AOC1: variants seen among roughly 807,000 people sequenced by gnomAD.
The protein encoded by AOC1 is amine oxidase copper containing 1, also known as diamine oxidase [copper-containing].
Under a neutral mutation model 57.1 loss-of-function variants are expected in AOC1, and 58 were observed. That is an observed-to-expected ratio of 1.02 (90% CI 0.82 to 1.26). The LOEUF (loss-of-function observed/expected upper bound fraction) is 1.26, where lower values mean the gene tolerates loss of function less well. Ranked by LOEUF, AOC1 falls within the 50% of genes most tolerant of loss-of-function variation. The pLI, the probability that AOC1 is intolerant of heterozygous loss-of-function variation, is 0.00. For synonymous variants in AOC1, 401 were observed against 423.4 expected (o/e 0.95, Z 0.65); for missense variants, 917 against 1,005.3 (o/e 0.91, Z 1.19).
At position 150,857,261 on chromosome 7, in the gene AOC1, A is replaced by G. The variant is rs1057505675; in HGVS notation, c.791A>G (p.Glu264Gly). 4 of 1,610,184 alleles carry G rather than the reference A, an allele frequency of 2.5e-6. No homozygotes were observed. The highest frequency in any genetic ancestry group is 3.4e-6 in the Non-Finnish European group (4 of 1,177,986). Residue 264 changes from glutamate to glycine, a missense_variant, in exon 2 of 5, where the codon GAG becomes GGG. Physicochemically the swap from Glu to Gly is moderately conservative, Grantham distance 98. Coordinates refer to ENST00000360937, the MANE Select transcript of AOC1 (RefSeq NM_001091.4). This position sits in a 1 kb window ranked among gnomAD's most constrained non-coding sequence, Gnocchi z 6.6. Reference sequence around the variant, plus strand: ...GGAGAGGTGGACGTGGTGGTCCTGGAGGACCCGCTGCCTGGGGGCAAGGGG... The same window carrying G: ...GGAGAGGTGGACGTGGTGGTCCTGGGGGACCCGCTGCCTGGGGGCAAGGGG... The part of the protein sequence containing the change: ...ADGEVDVVVL[E>G]DPLPGGKGHD...
chr7:150,856,318 G>A lies in AOC1; in HGVS notation c.-16-137G>A. ...GGGGACTATGCATGGGGCCCCAGCT[G>A]CCCCAGGACAGCCTCCAGCTTGGGG... On this transcript the variant is annotated intron_variant, in intron 1 of 4. Coordinates refer to ENST00000360937, the MANE Select transcript of AOC1 (RefSeq NM_001091.4). This position sits in a 1 kb window ranked among gnomAD's most constrained non-coding sequence, Gnocchi z 5.2. 8.6e-7 allele frequency: 1 copy of A among 1,161,512 alleles called. No homozygotes were observed. Among genetic ancestry groups the A allele is most frequent in the Non-Finnish European group, 1.2e-6 (1 of 847,054 alleles). 72.0% of individuals were successfully genotyped at this position (1,161,512 alleles called of 1,614,324 possible). A position where few individuals can be genotyped will look rare whatever the true frequency, so the allele number is the denominator to read the frequency against.
intron 1 of AOC1, among the ~76,000 whole-genome samples, chr7:150,855,781 T>C (rs1384407064): frequency 1.3e-5 from 2 of 152,236 alleles, no homozygotes; most frequent in Admixed American, 6.5e-5. Flanking sequence ...ATTTCCCATA[T>C]GGCAGACATT....
At chr7:150,858,142 G>A in intron 2 of AOC1, 102 bp downstream of exon 2, 1 of 1,424,352 alleles carries the variant, frequency 7.0e-7, no homozygotes, top group Non-Finnish European at 9.3e-7. Context: ...TGGAAAGTTA[G>A]GAGCATTTGC....
Position 150,852,989 on chromosome 7 carries a change from C to T in AOC1, c.-17+431C>T, listed in dbSNP as rs1366749204. The stretch of plus-strand genomic sequence containing the variant: ...AGCCGTGAAAGGACATGGAGGTACC[C>T]TAAATGCACACTGCCAAGCAAAAGA... On this transcript the variant is annotated intron_variant, in intron 1 of 4. Transcript: ENST00000360937. This position sits in a 1 kb window ranked among gnomAD's most constrained non-coding sequence, Gnocchi z 4.6. Among the ~76,000 whole-genome samples, 2 of 152,070 alleles carry T rather than the reference C, an allele frequency of 1.3e-5. No homozygotes were observed. The highest frequency in any genetic ancestry group is 2.9e-5 in the Non-Finnish European group (2 of 68,028).
At chr7:150,855,244 C>T (rs556325961) in intron 1 of AOC1, among the ~76,000 whole-genome samples, 3 of 152,248 alleles carry the variant, frequency 2.0e-5, no homozygotes, top group South Asian at 2.1e-4. Flanking sequence ...GGAAATTTCA[C>T]GGTGACGGCA....
rs2071517 is a variant in AOC1, at chr7:150,861,311, G to A, written c.*102G>A. Reference sequence around the variant, plus strand: ...CCTCGCTCTGTGTGCTGCTTCTTGCGGGGAGGCACAGGGCCATGTGTGTAG... The same window carrying A: ...CCTCGCTCTGTGTGCTGCTTCTTGCAGGGAGGCACAGGGCCATGTGTGTAG... On this transcript the variant is annotated 3_prime_UTR_variant, in exon 5 of 5. Transcript: ENST00000360937. This position sits in a 1 kb window ranked among gnomAD's most constrained non-coding sequence, Gnocchi z 4.5. The A allele has an allele frequency of 0.21, 284,694 of 1,364,082 alleles. 34,006 individuals carry two copies. Among genetic ancestry groups the A allele is most frequent in the East Asian group, 0.52 (20,537 of 39,794 alleles). The allele number at this position is 1,364,082 out of a possible 1,614,324, so 84.5% of individuals were successfully genotyped here. A position where few individuals can be genotyped will look rare whatever the true frequency, so the allele number is the denominator to read the frequency against.
chr7:150,860,937 C>T lies in AOC1; in HGVS notation c.1990-6C>T, dbSNP rs780041449. The stretch of plus-strand genomic sequence containing the variant: ...TGCCCACTGAAGCCCACCCTGTCTC[C>T]TGCAGGACCTGGTGGCCTGGGTGAC... On this transcript the variant is annotated splice_region_variant and splice_polypyrimidine_tract_variant and intron_variant, in intron 4 of 4. Transcript: ENST00000360937. 2 of 1,609,694 alleles carry T rather than the reference C, an allele frequency of 1.2e-6. No homozygotes were observed. Among genetic ancestry groups the T allele is most frequent in the Admixed American group, 1.7e-5 (1 of 59,962 alleles).
Position 150,861,091 on chromosome 7 carries a change from CTG to C in AOC1, c.2141_2142del (p.Val714AspfsTer18). 1.2e-6 allele frequency: 2 copies of C among 1,614,174 alleles called. No homozygotes were observed. The highest frequency in any genetic ancestry group is 8.5e-7 in the Non-Finnish European group (1 of 1,180,002). On this transcript the variant is annotated frameshift_variant, in exon 5 of 5. Transcript: ENST00000360937. LOFTEE classifies it high-confidence loss of function. This position sits in a 1 kb window ranked among gnomAD's most constrained non-coding sequence, Gnocchi z 4.5. ...GACCCCTCCCTGGCATCCAGAGACA[CTG>C]TGATCGTGTGGCCTCGGGACAACGG...
Position 150,860,514 on chromosome 7 carries a change from G to A in AOC1, c.1870G>A (p.Val624Met). The change falls in exon 4 of 5, where the codon GTG becomes ATG. Residue 624 changes from valine (V) to methionine (M), a missense_variant. Coordinates refer to ENST00000360937, the MANE Select transcript of AOC1 (RefSeq NM_001091.4). ...AITWARYPLA[V>M]TKYRESELCS... ...TGTGCCTGGCAGGTACCCCCTGGCA[G>A]TGACCAAGTACCGGGAGTCGGAGCT... is the stretch of plus-strand genomic sequence containing the variant. 6.2e-7 allele frequency: 1 copy of A among 1,614,026 alleles called. No homozygotes were observed. The highest frequency in any genetic ancestry group is 8.5e-7 in the Non-Finnish European group (1 of 1,179,934).
At chr7:150,853,228 A>C (rs1584794435) in intron 1 of AOC1, among the ~76,000 whole-genome samples, 1 of 152,340 alleles carries the variant, frequency 6.6e-6, no homozygotes. Context: ...TAGAATATGC[A>C]GCAGCAAGAG....
chr7:150,852,267 T>G (rs573170029), upstream of AOC1: 153 of 152,346 alleles, frequency 1.0e-3, no homozygotes, highest in African/African-American at 3.6e-3. This position sits in a 1 kb window ranked among gnomAD's most constrained non-coding sequence, Gnocchi z 4.6. Flanking sequence ...TAACAGATCG[T>G]GGCATTGCAT....
At chr7:150,859,195 C>T (rs1164267647) in intron 3 of AOC1, 147 bp downstream of exon 3, 2 of 983,052 alleles carry the variant, frequency 2.0e-6, no homozygotes, top group African/African-American at 1.7e-5. Context: ...TACAATTGAC[C>T]CTGAACAATA....
chr7:150,860,830 T>C, intron 4 of AOC1, 113 bp from the exon 5 acceptor site: 1 of 1,449,454 alleles, frequency 6.9e-7, no homozygotes, highest in Non-Finnish European at 9.3e-7. Context: ...AAAAAGGGGC[T>C]GGAGAGGAAT....
In AOC1 at chr7:150,861,130, T is replaced by C. The variant is rs1005694705; in HGVS notation, c.2177T>C (p.Val726Ala). 1.1e-5 allele frequency: 18 copies of C among 1,614,016 alleles called. No individual in the cohort carries two copies. The highest frequency in any genetic ancestry group is 1.5e-5 in the Non-Finnish European group (18 of 1,179,940). Reference protein sequence around the residue: ...VWPRDNGPNYVQRWIPEDRDC... With the variant: ...VWPRDNGPNYAQRWIPEDRDC... ...CCTCGGGACAACGGCCCCAACTACGTCCAGCGCTGGATCCCTGAGGACAGG... is the reference window on the plus strand; with the variant it reads ...CCTCGGGACAACGGCCCCAACTACGCCCAGCGCTGGATCCCTGAGGACAGG... Residue 726 changes from valine (V) to alanine (A), a missense_variant, in exon 5 of 5, where the codon GTC becomes GCC. Coordinates refer to ENST00000360937, the MANE Select transcript of AOC1 (RefSeq NM_001091.4). This position sits in a 1 kb window ranked among gnomAD's most constrained non-coding sequence, Gnocchi z 4.5.
At position 150,852,949 on chromosome 7, in the gene AOC1, T is replaced by TA. The variant is rs746452810; in HGVS notation, c.-17+397dup. Reference sequence around the variant, plus strand: ...AAAGAAACGTGGGTATAAGAGGTTGTAAAAAAGGAGACCCAGCCGTGAAAG... The same window carrying TA: ...AAAGAAACGTGGGTATAAGAGGTTGTAAAAAAAGGAGACCCAGCCGTGAAAG... On this transcript the variant is annotated intron_variant, in intron 1 of 4. Coordinates refer to ENST00000360937, the MANE Select transcript of AOC1 (RefSeq NM_001091.4). This position sits in a 1 kb window ranked among gnomAD's most constrained non-coding sequence, Gnocchi z 4.6. Among the ~76,000 whole-genome samples, 9 of 151,964 alleles carry TA rather than the reference T, an allele frequency of 5.9e-5. No individual in the cohort carries two copies. The highest frequency in any genetic ancestry group is 7.4e-5 in the Non-Finnish European group (5 of 68,002).
At chr7:150,860,460 C>A in intron 3 of AOC1, 41 bp from the exon 4 acceptor site, 1 of 1,612,736 alleles carries the variant, frequency 6.2e-7, no homozygotes, top group Non-Finnish European at 8.5e-7. Flanking sequence ...GGGGGGCCAG[C>A]CCAGGGCCCT....
rs760373495 is a variant in AOC1 at position 150,857,151 on chromosome 7, T to A, written c.681T>A (p.Asp227Glu). The part of the protein sequence containing the change: ...LELLVDHGST[D>E]AGHWAVEQVW... ...TCCTCGTGGATCATGGGAGCACAGA[T>A]GCTGGGCACTGGGCCGTGGAGCAGG... Residue 227 changes from aspartate to glutamate, a missense_variant, in exon 2 of 5, where the codon GAT becomes GAA. Asp to Glu is a conservative substitution (Grantham distance 45). Coordinates refer to ENST00000360937, the MANE Select transcript of AOC1 (RefSeq NM_001091.4). This position sits in a 1 kb window ranked among gnomAD's most constrained non-coding sequence, Gnocchi z 6.6. The A allele has an allele frequency of 2.0e-5, 33 of 1,613,826 alleles. No homozygotes were observed. Among genetic ancestry groups the A allele is most frequent in the Non-Finnish European group, 2.8e-5 (33 of 1,179,978 alleles).
Position 150,857,469 on chromosome 7 carries a change from G to T in AOC1, c.999G>T (p.Gly333=). The change falls in exon 2 of 5, where the codon GGG becomes GGT. Residue 333 remains glycine (G), a synonymous_variant. Coordinates refer to ENST00000360937, the MANE Select transcript of AOC1 (RefSeq NM_001091.4). This position sits in a 1 kb window ranked among gnomAD's most constrained non-coding sequence, Gnocchi z 6.6. The part of the protein sequence containing the change: ...SFAFRLRSSS[G]LQVLNVHFGG... ...CCTTCCGGCTGCGCTCCTCCTCCGG[G>T]CTGCAGGTCCTGAACGTGCACTTCG... The T allele has an allele frequency of 1.9e-6, 3 of 1,612,784 alleles. No individual in the cohort carries two copies. In the South Asian group the frequency reaches 3.3e-5, roughly 18 times the overall value.
At position 150,857,411 on chromosome 7, in the gene AOC1, G is replaced by T; in HGVS notation, c.941G>T (p.Gly314Val). Residue 314 changes from glycine (G) to valine (V), a missense_variant, in exon 2 of 5, where the codon GGC becomes GTC. Coordinates refer to ENST00000360937, the MANE Select transcript of AOC1 (RefSeq NM_001091.4). The surrounding 1 kb of genome is among the most constrained non-coding windows in gnomAD (Gnocchi z 6.6). ...QPHGPRFRLE[G>V]NAVLYGGWSF... is the part of the protein sequence containing the mutation. Reference sequence around the variant, plus strand: ...CACGGCCCTCGCTTCAGGCTGGAGGGCAACGCTGTGCTCTACGGCGGCTGG... The same window carrying T: ...CACGGCCCTCGCTTCAGGCTGGAGGTCAACGCTGTGCTCTACGGCGGCTGG... 1 of 1,611,626 alleles carries T rather than the reference G, an allele frequency of 6.2e-7. No individual in the cohort carries two copies. The highest frequency in any genetic ancestry group is 8.5e-7 in the Non-Finnish European group (1 of 1,179,358).
Sources: gnomAD v4.1 joint callset for allele counts (sites outside exome capture counted in the v4.1 genomes callset) on GRCh38, gnomAD v4.1.1 for gene constraint, Gnocchi (gnomAD v3.1) non-coding constraint, MANE v1.5 for transcripts, NCBI Gene and HGNC (gene_info 2026-07-23, HGNC 2026-07-21) for gene names.